The following COA1 variants were observed in gnomAD, a reference collection of about 807,000 sequenced individuals.
COA1 encodes the protein cytochrome c oxidase assembly factor 1, also known as cytochrome c oxidase assembly factor 1 homolog.
Under a neutral mutation model 16.0 loss-of-function variants are expected in COA1, and 13 were observed. The observed-to-expected ratio is 0.81, with a 90% CI of 0.53 to 1.29. The LOEUF (loss-of-function observed/expected upper bound fraction) is 1.29, where lower values mean the gene tolerates loss of function less well. Ranked by LOEUF, COA1 falls within the 50% of genes most tolerant of loss-of-function variation. COA1 has a pLI of 0.00. For synonymous variants in COA1, 65 were observed against 65.7 expected, an observed-to-expected ratio of 0.99 and a Z score of 0.05; for missense variants, 179 against 177.0, an observed-to-expected ratio of 1.01 and a Z score of -0.06.
chr7:43,666,783 C>G (rs2092920084), intron 1 of COA1, among the ~76,000 whole-genome samples: 2 of 152,104 alleles, frequency 1.3e-5, no homozygotes, highest in Non-Finnish European at 1.5e-5. Flanking sequence ...TCTCTGGGTC[C>G]TAGGATCCAC....
chr7:43,643,804 C>T (rs948951787), intron 4 of COA1, among the ~76,000 whole-genome samples: 1 of 152,244 alleles, frequency 6.6e-6, no homozygotes, highest in Admixed American at 6.5e-5. Flanking sequence ...CACAAATCCA[C>T]CTTCTTTTAA....
chr7:43,701,982 T>C (rs11767340), intron 1 of COA1, among the ~76,000 whole-genome samples: 3,213 of 152,208 alleles, frequency 0.021, 46 homozygotes, highest in Non-Finnish European at 0.031. Flanking sequence ...TATTAGATCA[T>C]TGTCAGATGA....
At chr7:43,685,381 C>A (rs775572755) in intron 1 of COA1, among the ~76,000 whole-genome samples, 3 of 152,018 alleles carry the variant, frequency 2.0e-5, no homozygotes, top group African/African-American at 7.3e-5. Flanking sequence ...TAATTTCTGA[C>A]GTGTCATTAA....
At position 43,617,777 on chromosome 7, in the gene COA1, G is replaced by C. The variant is rs78187232; in HGVS notation, c.*134-8282C>G. Among the ~76,000 whole-genome samples, 898 of 152,262 alleles carry C rather than the reference G, an allele frequency of 5.9e-3. 9 individuals carry two copies. The highest frequency in any genetic ancestry group is 0.021 in the African/African-American group (872 of 41,568). ...GCAGATCATGCAAGCTGAGAGTTTG[G>C]AGTAAAAAGAGGAAAGGCCTCAAGA... is the stretch of plus-strand genomic sequence containing the variant. On this transcript the variant is annotated intron_variant and NMD_transcript_variant, in intron 6 of 6. Coordinates refer to the COA1 transcript ENST00000415076.
chr7:43,644,715 T>TG (rs2088302570), intron 4 of COA1, among the ~76,000 whole-genome samples: 24 of 83,096 alleles, frequency 2.9e-4, no homozygotes, highest in African/African-American at 9.9e-4. Context: ...ATAGATTAGA[T>TG]AGATAGATAG....
chr7:43,623,808 A>G, intron 6 of COA1: 1 of 1,606,350 alleles, frequency 6.2e-7, no homozygotes, highest in Non-Finnish European at 8.5e-7. Flanking sequence ...AGATGAATTT[A>G]AGTTATTCTG....
intron 1 of COA1, among the ~76,000 whole-genome samples, chr7:43,680,698 G>C (rs1445099061): frequency 4.6e-5 from 7 of 152,200 alleles, no homozygotes; most frequent in African/African-American, 1.4e-4. Flanking sequence ...CTGGGCCATG[G>C]TGGCTCACAC....
chr7:43,654,528 A>G (rs1215265767), intron 1 of COA1, among the ~76,000 whole-genome samples: 1 of 152,220 alleles, frequency 6.6e-6, no homozygotes, highest in Non-Finnish European at 1.5e-5. Context: ...ACAAACTAGA[A>G]TTAACATAGC....
chr7:43,703,606 T>A (rs967603318), intron 1 of COA1, among the ~76,000 whole-genome samples: 6 of 152,174 alleles, frequency 3.9e-5, no homozygotes, highest in Admixed American at 3.9e-4. Flanking sequence ...TTTGTCCTTT[T>A]TTATTATTAT....
chr7:43,620,819 GA>G lies in COA1; in HGVS notation c.*134-11325del, dbSNP rs2083809119. Among the ~76,000 whole-genome samples, 3 of 152,220 alleles carry G rather than the reference GA, an allele frequency of 2.0e-5. No individual in the cohort carries two copies. In the South Asian group the frequency reaches 6.2e-4, roughly 31 times the overall value. ...GTGAAGGTAGGCTGTCTGGGTCATG[GA>G]CATCAGTGTGGAAGTCACCTAGGCT... On this transcript the variant is annotated intron_variant and NMD_transcript_variant, in intron 6 of 6. Coordinates refer to the COA1 transcript ENST00000415076.
At chr7:43,684,132 T>C (rs1226500928) in intron 1 of COA1, among the ~76,000 whole-genome samples, 1 of 152,164 alleles carries the variant, frequency 6.6e-6, no homozygotes. Context: ...TAATTTTTTT[T>C]CCACAGAGGA....
intron 6 of COA1, among the ~76,000 whole-genome samples, chr7:43,633,955 T>G (rs138536416): frequency 9.1e-4 from 138 of 152,292 alleles, no homozygotes; most frequent in African/African-American, 3.2e-3. Flanking sequence ...TTAAATTCAG[T>G]GATTGTTTTC....
intron 1 of COA1, among the ~76,000 whole-genome samples, chr7:43,685,123 G>C (rs1214044945): frequency 1.4e-5 from 2 of 145,816 alleles, no homozygotes; most frequent in African/African-American, 5.1e-5. Context: ...TAATCCAGCA[G>C]CCTGGGCAAC....
rs2088960068 is a variant in COA1 at position 43,645,381 on chromosome 7, A to G, written c.134T>C (p.Leu45Ser). The stretch of plus-strand genomic sequence containing the variant: ...CTGCTCCACTGCCAACTTGTAATAT[A>G]AAGCCCTGGAATGAAACTCTAAGGA... ...YLIQKFHSRALYYKLAVEQLQ... is the reference protein window; with the variant it reads ...YLIQKFHSRASYYKLAVEQLQ... Residue 45 changes from leucine to serine, a missense_variant, in exon 4 of 6, where the codon TTA becomes TCA. By Grantham distance (145) the Leu-to-Ser change is moderately radical. Coordinates refer to ENST00000223336, the MANE Select transcript of COA1 (RefSeq NM_018224.4). The G allele has an allele frequency of 1.2e-6, 2 of 1,613,998 alleles. No homozygotes were observed. Among genetic ancestry groups the G allele is most frequent in the Non-Finnish European group, 1.7e-6 (2 of 1,179,976 alleles).
At chr7:43,644,403 T>TA (rs1404419441) in intron 4 of COA1, among the ~76,000 whole-genome samples, 1 of 152,120 alleles carries the variant, frequency 6.6e-6, no homozygotes, top group Non-Finnish European at 1.5e-5. Context: ...TACAAAAAGA[T>TA]AAGTTATAGC....
exon 7 of COA1, chr7:43,608,586 T>C: frequency 1.8e-6 from 1 of 556,192 alleles, no homozygotes; most frequent in Non-Finnish European, 3.0e-6. Context: ...CACACATGTG[T>C]ACATGGAAAG....
chr7:43,666,882 T>G (rs1202806404), intron 1 of COA1, among the ~76,000 whole-genome samples: 2 of 152,174 alleles, frequency 1.3e-5, no homozygotes, highest in African/African-American at 4.8e-5. Flanking sequence ...TTAATTAAAC[T>G]CAAAAGGGTA....
chr7:43,705,744 G>A (rs2094945591), intron 1 of COA1, among the ~76,000 whole-genome samples: 1 of 152,184 alleles, frequency 6.6e-6, no homozygotes, highest in African/African-American at 2.4e-5. Context: ...CAACTCTCCA[G>A]GAAGTTCTTC....
intron 1 of COA1, among the ~76,000 whole-genome samples, chr7:43,663,666 CAAAAAA>C (rs759423078): frequency 8.5e-5 from 6 of 70,640 alleles, no homozygotes; most frequent in African/African-American, 3.8e-4. Flanking sequence ...GACCCTATCT[CAAAAAA>C]AAAAAAAAAA....
Sources: allele counts gnomAD v4.1 joint callset (sites outside exome capture counted in the v4.1 genomes callset), GRCh38; gene constraint gnomAD v4.1.1; transcripts MANE v1.5; gene names NCBI Gene and HGNC (gene_info 2026-07-23, HGNC 2026-07-21).